VRK2: variants seen among roughly 807,000 people sequenced by gnomAD.
The protein encoded by VRK2 is serine/threonine-protein kinase VRK2.
A neutral mutation model predicts 57.6 loss-of-function variants in VRK2; 60 were observed. The observed-to-expected ratio is 1.04, with a 90% CI of 0.85 to 1.29. VRK2 has a LOEUF of 1.29. Ranked by LOEUF, VRK2 falls within the 50% of genes most tolerant of loss-of-function variation. The probability of loss-of-function intolerance (pLI) is 0.00; values close to 1 mark genes in which losing one functional copy is unlikely to be tolerated. For synonymous variants in VRK2, 231 were observed against 199.2 expected (o/e 1.16, Z -1.35); for missense variants, 705 against 588.1 (o/e 1.20, Z -2.06).
intron 1 of VRK2, among the ~76,000 whole-genome samples, chr2:57,960,131 T>C (rs1046759960): frequency 9.2e-5 from 14 of 152,126 alleles, no homozygotes. Context: ...CTGATATAAA[T>C]GCTTCCGTGC....
intron 1 of VRK2, among the ~76,000 whole-genome samples, chr2:57,910,398 G>T (rs1420929755): frequency 1.3e-5 from 2 of 152,136 alleles, no homozygotes; most frequent in Non-Finnish European, 2.9e-5. Context: ...GTAAACTTGT[G>T]AAGACAGGAA....
intron 1 of VRK2, among the ~76,000 whole-genome samples, chr2:57,940,598 A>G (rs1406257921): frequency 6.6e-6 from 1 of 152,218 alleles, no homozygotes; most frequent in Non-Finnish European, 1.5e-5. Flanking sequence ...ATGTTCTCAT[A>G]CAAATAGGGA....
At chr2:58,081,532 C>T (rs2104110840) in intron 2 of VRK2, among the ~76,000 whole-genome samples, 1 of 151,702 alleles carries the variant, frequency 6.6e-6, no homozygotes, top group South Asian at 2.1e-4. Flanking sequence ...ATCTTCTTTG[C>T]TCCTCTACTG....
intron 2 of VRK2, among the ~76,000 whole-genome samples, chr2:58,076,686 G>C (rs988456176): frequency 7.3e-5 from 11 of 151,554 alleles, no homozygotes; most frequent in African/African-American, 2.7e-4. Flanking sequence ...TAAGTTTACA[G>C]ATGATAGTGT....
In VRK2 at chr2:57,974,951, A is replaced by G. The variant is rs549111061; in HGVS notation, c.-438-50714A>G. ...AAGAATTGATCATCTCATAGGTTTGAGAGATCAGGTAGGCTATACAAATTG... is the reference window on the plus strand; with the variant it reads ...AAGAATTGATCATCTCATAGGTTTGGGAGATCAGGTAGGCTATACAAATTG... On this transcript the variant is annotated intron_variant, in intron 1 of 15. Coordinates refer to the VRK2 transcript ENST00000417641. Among the ~76,000 whole-genome samples the G allele has an allele frequency of 7.9e-5, 12 of 152,028 alleles. No homozygotes were observed. The East Asian group carries it at 2.3e-3, about 29-fold the overall frequency.
intron 1 of VRK2, among the ~76,000 whole-genome samples, chr2:58,013,199 T>C (rs1361641079): frequency 6.6e-6 from 1 of 152,234 alleles, no homozygotes; most frequent in Non-Finnish European, 1.5e-5. Flanking sequence ...AAAATAGGTA[T>C]AGCGTAAAAA....
intron 1 of VRK2, among the ~76,000 whole-genome samples, chr2:57,970,750 C>A (rs879455348): frequency 1.6e-4 from 25 of 151,826 alleles, no homozygotes; most frequent in Non-Finnish European, 2.7e-4. Context: ...AAACCCATTA[C>A]TAAATTTTAA....
chr2:58,068,781 C>CATCTCCCT (rs1443037700), intron 2 of VRK2, among the ~76,000 whole-genome samples: 1 of 141,710 alleles, frequency 7.1e-6, no homozygotes, highest in Non-Finnish European at 1.5e-5. Flanking sequence ...TTTCTTATGT[C>CATCTCCCT]ATCTCCCTAA....
chr2:58,076,106 CTTT>C (rs71394406), intron 2 of VRK2, among the ~76,000 whole-genome samples: 3 of 121,766 alleles, frequency 2.5e-5, no homozygotes, highest in Non-Finnish European at 3.5e-5. Flanking sequence ...CTACTGTCTT[CTTT>C]TTTTTTTTTT....
At chr2:58,063,060 A>G (rs1677588432) in intron 2 of VRK2, among the ~76,000 whole-genome samples, 1 of 152,078 alleles carries the variant, frequency 6.6e-6, no homozygotes, top group South Asian at 2.1e-4. Flanking sequence ...CTTACCATTC[A>G]GAAAATCCTA....
intron 8 of VRK2, 147 bp from the exon 9 acceptor site, chr2:58,131,661 G>T (rs899229110): frequency 1.5e-5 from 15 of 1,011,988 alleles, no homozygotes; most frequent in Non-Finnish European, 1.8e-5. Flanking sequence ...ATGCTTGGGC[G>T]TTTAAGTTTT....
intron 1 of VRK2, among the ~76,000 whole-genome samples, chr2:57,928,778 C>T (rs1670624209): frequency 6.6e-6 from 1 of 152,196 alleles, no homozygotes; most frequent in Admixed American, 6.5e-5. Context: ...GCATCCAAAG[C>T]CCAGTAATGC....
At chr2:58,154,590 A>T (rs1683509626) in intron 12 of VRK2, among the ~76,000 whole-genome samples, 2 of 151,720 alleles carry the variant, frequency 1.3e-5, no homozygotes, top group Admixed American at 1.3e-4. Flanking sequence ...CCATGTTTTG[A>T]TATGTTGTAT....
intron 1 of VRK2, among the ~76,000 whole-genome samples, chr2:57,993,460 A>G (rs1431264016): frequency 2.0e-5 from 3 of 152,014 alleles, no homozygotes; most frequent in African/African-American, 7.3e-5. Context: ...CTCTAGAAAA[A>G]GCCATGTCCC....
chr2:58,032,139 AGTT>A (rs1344936667), intron 2 of VRK2, among the ~76,000 whole-genome samples: 1 of 152,050 alleles, frequency 6.6e-6, no homozygotes, highest in Non-Finnish European at 1.5e-5. Flanking sequence ...CTTCCATAGG[AGTT>A]GTTGTGGTTA....
intron 6 of VRK2, among the ~76,000 whole-genome samples, chr2:58,089,317 CTA>C (rs199639937): frequency 0.011 from 1,727 of 152,226 alleles, 26 homozygotes; most frequent in African/African-American, 0.037. Context: ...TGATTTTATG[CTA>C]TGTTTTTCCT....
chr2:58,125,232 T>C (rs1485310430), intron 8 of VRK2, among the ~76,000 whole-genome samples: 3 of 152,124 alleles, frequency 2.0e-5, no homozygotes, highest in African/African-American at 7.2e-5. Flanking sequence ...ACTGTGATTG[T>C]GGAAAGAGAA....
At chr2:58,139,090 G>A (rs1032594732) in intron 10 of VRK2, among the ~76,000 whole-genome samples, 1 of 152,058 alleles carries the variant, frequency 6.6e-6, no homozygotes, top group Admixed American at 6.6e-5. Context: ...AAAAACACGA[G>A]GCTGTGTACC....
intron 2 of VRK2, among the ~76,000 whole-genome samples, chr2:58,057,395 G>T (rs900529282): frequency 5.3e-5 from 8 of 152,082 alleles, no homozygotes; most frequent in South Asian, 2.1e-4. Flanking sequence ...AAGAAGCTGT[G>T]TACTTAATCC....
Sources: allele counts gnomAD v4.1 joint callset (sites outside exome capture counted in the v4.1 genomes callset), GRCh38; gene constraint gnomAD v4.1.1; transcripts MANE v1.5; gene names NCBI Gene and HGNC (gene_info 2026-07-23, HGNC 2026-07-21).